DOCK2: variants seen among roughly 807,000 people sequenced by gnomAD.
DOCK2 encodes dedicator of cytokinesis protein 2.
DOCK2 carries 87 observed loss-of-function variants against 248.9 expected under a neutral mutation model. The observed-to-expected ratio is 0.35, with a 90% CI of 0.29 to 0.42. The LOEUF (loss-of-function observed/expected upper bound fraction) is 0.42. Among genes scored for constraint, DOCK2 ranks in the 10% least tolerant of loss-of-function variants. The pLI is 1.00. For missense variants in DOCK2, 1,747 were observed against 2,300.2 expected (o/e 0.76, Z 4.92); for synonymous variants, 805 against 821.6 (o/e 0.98, Z 0.35).
At chr5:170,003,744 G>A (rs531333477) in intron 30 of DOCK2, among the ~76,000 whole-genome samples, 1 of 152,342 alleles carries the variant, frequency 6.6e-6, no homozygotes, top group South Asian at 2.1e-4. Context: ...AAGCCAGGTG[G>A]GTTCATTTGG....
intron 22 of DOCK2, among the ~76,000 whole-genome samples, chr5:169,741,857 T>C (rs1763326799): frequency 6.9e-6 from 1 of 144,164 alleles, no homozygotes; most frequent in African/African-American, 2.6e-5. Context: ...TCTCCCAGGC[T>C]GGAGTGCAGT....
chr5:169,772,708 T>A (rs745831164), intron 25 of DOCK2, among the ~76,000 whole-genome samples: 3 of 152,220 alleles, frequency 2.0e-5, no homozygotes, highest in African/African-American at 4.8e-5. Context: ...CTTTTTCACA[T>A]AATACCATTT....
At chr5:169,644,255 G>A (rs1757322680) in intron 1 of DOCK2, among the ~76,000 whole-genome samples, 1 of 152,150 alleles carries the variant, frequency 6.6e-6, no homozygotes, top group Admixed American at 6.5e-5. Flanking sequence ...ATTGAACATA[G>A]CAGTTTTATG....
intron 27 of DOCK2, among the ~76,000 whole-genome samples, chr5:169,890,295 T>G (rs945298535): frequency 6.6e-6 from 1 of 152,210 alleles, no homozygotes; most frequent in Non-Finnish European, 1.5e-5. Context: ...TCCAAAGTCC[T>G]AAGCACAGTG....
Position 169,891,454 on chromosome 5 carries a change from G to C in DOCK2, c.2799+50602G>C, listed in dbSNP as rs188054644. Among the ~76,000 whole-genome samples, 667 of 152,302 alleles carry C rather than the reference G, an allele frequency of 4.4e-3. 7 individuals carry two copies. The highest frequency in any genetic ancestry group is 0.015 in the African/African-American group (624 of 41,558). ...AGTTTAAAACTTTAGATCTTGGGTA[G>C]AATCTTATTTAACGATTTTCAAAAT... is the stretch of plus-strand genomic sequence containing the variant. On this transcript the variant is annotated intron_variant, in intron 27 of 51. Transcript: ENST00000520908.
intron 27 of DOCK2, among the ~76,000 whole-genome samples, chr5:169,859,869 G>A (rs1454607143): frequency 6.6e-6 from 1 of 151,632 alleles, no homozygotes; most frequent in Non-Finnish European, 1.5e-5. Flanking sequence ...CCGGAGTGCT[G>A]TGCTGTATTT....
chr5:169,952,643 A>G (rs1474419802), intron 27 of DOCK2, among the ~76,000 whole-genome samples: 2 of 152,290 alleles, frequency 1.3e-5, no homozygotes, highest in African/African-American at 2.4e-5. Flanking sequence ...GCTCTGGAAT[A>G]GAAGGGATGC....
chr5:170,045,854 G>A lies in DOCK2; in HGVS notation c.3915G>A (p.Ala1305=), dbSNP rs150482679. ...EEAISLCKEL[A]EQYEMEIFDY... ...CCATAAGTCTGTGCAAGGAGCTGGC[G>A]GAACAGTACGAGATGGAGATCTTTG... Residue 1305 remains alanine (A), a synonymous_variant, in exon 39 of 52, where the codon GCG becomes GCA. Coordinates refer to ENST00000520908, the MANE Select transcript of DOCK2 (RefSeq NM_004946.3). 9.9e-6 allele frequency: 16 copies of A among 1,614,048 alleles called. No individual in the cohort carries two copies. The highest frequency in any genetic ancestry group is 4.5e-5 in the East Asian group (2 of 44,876).
At chr5:169,750,090 G>A (rs531320912) in intron 23 of DOCK2, among the ~76,000 whole-genome samples, 91 of 152,324 alleles carry the variant, frequency 6.0e-4, no homozygotes, top group African/African-American at 1.9e-3. Context: ...TGAAAGAGCA[G>A]AAATGATGAG....
At chr5:169,925,974 C>T (rs1017143440) in intron 27 of DOCK2, among the ~76,000 whole-genome samples, 1 of 152,138 alleles carries the variant, frequency 6.6e-6, no homozygotes, top group Non-Finnish European at 1.5e-5. Context: ...CTGAGCATAA[C>T]TGTGTGCCCA....
chr5:169,817,320 T>C (rs1406121169), intron 26 of DOCK2, among the ~76,000 whole-genome samples: 1 of 152,224 alleles, frequency 6.6e-6, no homozygotes, highest in Non-Finnish European at 1.5e-5. Context: ...TTTTTGTTAT[T>C]TCTCTTTTCA....
At chr5:169,931,101 T>C (rs1459136043) in intron 27 of DOCK2, among the ~76,000 whole-genome samples, 3 of 152,182 alleles carry the variant, frequency 2.0e-5, no homozygotes, top group African/African-American at 4.8e-5. Context: ...GGTTGACTCA[T>C]TGGCCAAACT....
intron 25 of DOCK2, among the ~76,000 whole-genome samples, chr5:169,794,109 G>A (rs974627719): frequency 6.6e-6 from 1 of 152,086 alleles, no homozygotes; most frequent in African/African-American, 2.4e-5. Flanking sequence ...CCCTCGGGCT[G>A]CAGGACCCTA....
chr5:169,804,485 T>TCAC (rs1767209312), intron 26 of DOCK2, among the ~76,000 whole-genome samples: 1 of 68,094 alleles, frequency 1.5e-5, no homozygotes, highest in African/African-American at 3.3e-5. Flanking sequence ...TGTGTGTGTG[T>TCAC]GCGCGCGCGC....
intron 25 of DOCK2, among the ~76,000 whole-genome samples, chr5:169,786,338 G>A (rs1765977927): frequency 6.6e-6 from 1 of 152,118 alleles, no homozygotes; most frequent in African/African-American, 2.4e-5. Context: ...GGAAGCTTGG[G>A]GTGTGTGCCT....
intron 27 of DOCK2, among the ~76,000 whole-genome samples, chr5:169,976,669 T>C (rs1777728137): frequency 6.6e-6 from 1 of 151,666 alleles, no homozygotes; most frequent in African/African-American, 2.4e-5. Flanking sequence ...AGGTGTTAGT[T>C]TCAAATGAAG....
intron 27 of DOCK2, among the ~76,000 whole-genome samples, chr5:169,951,922 A>G (rs1055475080): frequency 7.2e-5 from 11 of 152,126 alleles, no homozygotes; most frequent in African/African-American, 2.4e-4. Context: ...AAACTTCACT[A>G]CCTTGACTCC....
At chr5:169,647,333 A>G in intron 1 of DOCK2, among the ~76,000 whole-genome samples, 1 of 140,534 alleles carries the variant, frequency 7.1e-6, no homozygotes, top group African/African-American at 2.7e-5. Flanking sequence ...TAGATGGGTG[A>G]GTGGATGCAT....
intron 33 of DOCK2, among the ~76,000 whole-genome samples, chr5:170,024,563 A>G (rs902474086): frequency 6.6e-6 from 1 of 152,126 alleles, no homozygotes; most frequent in African/African-American, 2.4e-5. Context: ...AGCACTTACT[A>G]TGTGCCAAGT....
Sources: gnomAD v4.1 joint callset for allele counts (sites outside exome capture counted in the v4.1 genomes callset) on GRCh38, gnomAD v4.1.1 for gene constraint, MANE v1.5 for transcripts, NCBI Gene and HGNC (gene_info 2026-07-23, HGNC 2026-07-21) for gene names.